The following SWT1 variants were observed in gnomAD, a reference collection of about 807,000 sequenced individuals.
The protein encoded by SWT1 is transcriptional protein SWT1.
Under a neutral mutation model 107.3 loss-of-function variants are expected in SWT1, and 33 were observed. That is an observed-to-expected ratio of 0.31 (90% CI 0.23 to 0.41). The LOEUF (loss-of-function observed/expected upper bound fraction) is 0.41, where lower values mean the gene tolerates loss of function less well. Ranked by LOEUF, SWT1 falls within the 10% of genes least tolerant of loss-of-function variation. The probability of loss-of-function intolerance (pLI) is 1.00; values close to 1 mark genes in which losing one functional copy is unlikely to be tolerated. For synonymous variants in SWT1, 345 were observed against 348.3 expected (o/e 0.99, Z 0.11); for missense variants, 898 against 1,028.9 (o/e 0.87, Z 1.74).
intron 7 of SWT1, among the ~76,000 whole-genome samples, chr1:185,182,668 C>CAAAAAAA (rs59326029): frequency 4.6e-4 from 31 of 67,018 alleles, no homozygotes; most frequent in Admixed American, 7.7e-4. Context: ...CTCTCTCTCT[C>CAAAAAAA]AAAAAAAAAA....
At chr1:185,226,843 T>G in intron 15 of SWT1, 1 of 1,529,678 alleles carries the variant, frequency 6.5e-7, no homozygotes, top group South Asian at 1.3e-5. Flanking sequence ...CTGAGGAAGC[T>G]TGCCTTCTTT....
chr1:185,271,237 A>G, intron 16 of SWT1, 86 bp from the exon 17 acceptor site: 2 of 713,020 alleles, frequency 2.8e-6, no homozygotes, highest in Non-Finnish European at 5.1e-6. Flanking sequence ...CTCTTGTGGT[A>G]TGGGTATGTT....
intron 10 of SWT1, among the ~76,000 whole-genome samples, chr1:185,198,232 A>T (rs1372611323): frequency 1.3e-5 from 2 of 152,134 alleles, no homozygotes; most frequent in African/African-American, 4.8e-5. Context: ...TTCAGTTTCC[A>T]TGACGTTGTG....
intron 15 of SWT1, chr1:185,226,709 A>G (rs1660087240): frequency 4.4e-6 from 2 of 454,986 alleles, no homozygotes; most frequent in Non-Finnish European, 7.4e-6. Context: ...CTTCCCTGCT[A>G]TTTCTCATTT....
intron 15 of SWT1, 152 bp downstream of exon 15, chr1:185,222,188 C>T (rs1008004322): frequency 1.1e-5 from 5 of 467,062 alleles, no homozygotes; most frequent in Non-Finnish European, 1.8e-5. Context: ...TGATGAATAC[C>T]TCATGCATTT....
At chr1:185,248,293 A>G (rs966550959) in intron 16 of SWT1, among the ~76,000 whole-genome samples, 8 of 152,208 alleles carry the variant, frequency 5.3e-5, no homozygotes, top group Admixed American at 4.6e-4. Context: ...AAAACAAATT[A>G]AACTCAACTT....
At chr1:185,285,544 G>A (rs2102784786) in intron 18 of SWT1, among the ~76,000 whole-genome samples, 1 of 152,172 alleles carries the variant, frequency 6.6e-6, no homozygotes, top group African/African-American at 2.4e-5. Flanking sequence ...TTTTAATTTT[G>A]ATTATTTATG....
intron 18 of SWT1, among the ~76,000 whole-genome samples, chr1:185,288,812 A>G (rs1310838270): frequency 6.6e-6 from 1 of 152,116 alleles, no homozygotes; most frequent in Non-Finnish European, 1.5e-5. Flanking sequence ...TAGATGCTAG[A>G]TATAATGGAT....
At chr1:185,219,335 G>A (rs952078735) in intron 14 of SWT1, among the ~76,000 whole-genome samples, 2 of 151,992 alleles carry the variant, frequency 1.3e-5, no homozygotes, top group African/African-American at 4.8e-5. Context: ...TATAAGATAT[G>A]GACCATCATA....
intron 5 of SWT1, among the ~76,000 whole-genome samples, chr1:185,175,617 T>C (rs1265240248): frequency 1.3e-5 from 2 of 152,226 alleles, no homozygotes; most frequent in Non-Finnish European, 2.9e-5. Context: ...TATTTTACTC[T>C]CTTTAATTCC....
At chr1:185,195,891 T>TA (rs1317103809) in intron 10 of SWT1, among the ~76,000 whole-genome samples, 1 of 152,260 alleles carries the variant, frequency 6.6e-6, no homozygotes, top group Non-Finnish European at 1.5e-5. Flanking sequence ...TTCTGGATAT[T>TA]AGCCCTTTGT....
chr1:185,160,248 T>C (rs772354195), intron 1 of SWT1, among the ~76,000 whole-genome samples: 10 of 152,108 alleles, frequency 6.6e-5, no homozygotes, highest in Admixed American at 2.6e-4. Flanking sequence ...AAAATGGTGA[T>C]CTGATGCTTA....
intron 16 of SWT1, among the ~76,000 whole-genome samples, chr1:185,244,153 G>A (rs1296063222): frequency 2.0e-5 from 3 of 151,920 alleles, no homozygotes; most frequent in Non-Finnish European, 4.4e-5. Context: ...GGCCAGGCTG[G>A]TCTTGAACCC....
At chr1:185,257,764 T>G (rs1193830113) in intron 16 of SWT1, 1 of 153,454 alleles carries the variant, frequency 6.5e-6, no homozygotes, top group East Asian at 1.9e-4. Flanking sequence ...CTGGTAGCTG[T>G]AGACCAGAGC....
In SWT1 at chr1:185,278,927, G is replaced by A. The variant is rs181555352; in HGVS notation, c.2573+2259G>A. Among the ~76,000 whole-genome samples the A allele has an allele frequency of 4.8e-3, 724 of 152,300 alleles. 6 individuals carry two copies. The highest frequency in any genetic ancestry group is 0.016 in the African/African-American group (683 of 41,560). On this transcript the variant is annotated intron_variant, in intron 18 of 18. Coordinates refer to ENST00000367500, the MANE Select transcript of SWT1 (RefSeq NM_017673.7). ...AGTTAACTAGCAAAATGCTTCTACT[G>A]TTAAAGCTCCAGACTGATAAATTTG...
chr1:185,192,934 C>T (rs1657080632), intron 10 of SWT1, among the ~76,000 whole-genome samples: 1 of 152,082 alleles, frequency 6.6e-6, no homozygotes, highest in Non-Finnish European at 1.5e-5. Flanking sequence ...AAGTATGAGC[C>T]ACCGCGCCTG....
intron 16 of SWT1, among the ~76,000 whole-genome samples, chr1:185,258,451 T>A (rs1282934644): frequency 1.3e-5 from 2 of 152,174 alleles, no homozygotes; most frequent in Non-Finnish European, 2.9e-5. Flanking sequence ...TCCTTCATTT[T>A]ACTCATTTTC....
In SWT1 at chr1:185,231,959, G is replaced by A. The variant is rs113237514; in HGVS notation, c.2441+251G>A. 1.1e-4 allele frequency among the ~76,000 whole-genome samples: 17 copies of A among 152,148 alleles called. 1 individual carries two copies. Among genetic ancestry groups the A allele is most frequent in the African/African-American group, 4.1e-4 (17 of 41,504 alleles). On this transcript the variant is annotated intron_variant, in intron 16 of 18. Coordinates refer to ENST00000367500, the MANE Select transcript of SWT1 (RefSeq NM_017673.7). ...TGATAACACAAAAATACTGTTCTTT[G>A]TAAATTAAAACAGAAACAAAACTGA...
At chr1:185,233,465 G>T (rs578231526) in intron 16 of SWT1, among the ~76,000 whole-genome samples, 1 of 152,268 alleles carries the variant, frequency 6.6e-6, no homozygotes, top group Non-Finnish European at 1.5e-5. Context: ...TCTACACACT[G>T]CTTTAAATGT....
Sources: gnomAD v4.1 joint callset for allele counts (sites outside exome capture counted in the v4.1 genomes callset) on GRCh38, gnomAD v4.1.1 for gene constraint, MANE v1.5 for transcripts, NCBI Gene and HGNC (gene_info 2026-07-23, HGNC 2026-07-21) for gene names.